The following DEPTOR variants were observed in gnomAD, a reference collection of about 807,000 sequenced individuals.
DEPTOR encodes the protein DEP domain containing MTOR interacting protein.
In DEPTOR, 41 loss-of-function variants were observed where a neutral mutation model predicts 41.6. The observed-to-expected ratio is 0.98, with a 90% CI of 0.77 to 1.28. The LOEUF (loss-of-function observed/expected upper bound fraction) is 1.28. Ranked by LOEUF, DEPTOR falls within the 50% of genes most tolerant of loss-of-function variation. The probability of loss-of-function intolerance (pLI) is 0.00; values close to 1 mark genes in which losing one functional copy is unlikely to be tolerated. For missense variants in DEPTOR, 514 were observed against 527.9 expected, an observed-to-expected ratio of 0.97 and a Z score of 0.26; for synonymous variants, 195 against 192.3, an observed-to-expected ratio of 1.01 and a Z score of -0.12.
At chr8:119,951,864 T>A (rs988419768) in intron 3 of DEPTOR, among the ~76,000 whole-genome samples, 7 of 152,058 alleles carry the variant, frequency 4.6e-5, no homozygotes, top group Admixed American at 3.3e-4. Context: ...TCAAGCTGAG[T>A]GTGGTGGCTC....
intron 8 of DEPTOR, among the ~76,000 whole-genome samples, chr8:120,015,000 C>T (rs141024234): frequency 1.9e-4 from 29 of 152,110 alleles, no homozygotes; most frequent in Non-Finnish European, 2.9e-4. Context: ...AAGACATCCT[C>T]TGCTTTAGTC....
rs186027300 is a variant in DEPTOR, at chr8:120,038,240, G to A, written c.1102-11336G>A. Among the ~76,000 whole-genome samples, 15 of 146,266 alleles carry A rather than the reference G, an allele frequency of 1.0e-4. No individual in the cohort carries two copies. In the East Asian group the frequency reaches 2.4e-3, roughly 23 times the overall value. On this transcript the variant is annotated intron_variant, in intron 8 of 8. Coordinates refer to ENST00000286234, the MANE Select transcript of DEPTOR (RefSeq NM_022783.4). ...GCTGAGATTGTGCCACTGCACTCCAGCCTGGGTGACAGAGCGAGAGTCTGT... is the reference window on the plus strand; with the variant it reads ...GCTGAGATTGTGCCACTGCACTCCAACCTGGGTGACAGAGCGAGAGTCTGT...
At position 120,003,066 on chromosome 8, in the gene DEPTOR, C is replaced by A; in HGVS notation, c.880C>A (p.Pro294Thr). The change falls in exon 6 of 9, where the codon CCC (proline) becomes ACC (threonine). Residue 294 changes from proline (P) to threonine (T), a missense_variant. By Grantham distance (38) the Pro-to-Thr change is conservative. Coordinates refer to ENST00000286234, the MANE Select transcript of DEPTOR (RefSeq NM_022783.4). ...CGSSGYFSSS[P>T]TLSSSPPVLC... ...CAGCAGCGGCTACTTCAGCAGCAGC[C>A]CCACCCTCAGCAGCAGCCCCCCTGT... is the stretch of plus-strand genomic sequence containing the variant. 2 of 1,612,924 alleles carry A rather than the reference C, an allele frequency of 1.2e-6. No individual in the cohort carries two copies. Among genetic ancestry groups the A allele is most frequent in the Non-Finnish European group, 1.7e-6 (2 of 1,179,824 alleles).
chr8:119,915,945 TAAA>T (rs201870960), intron 1 of DEPTOR, among the ~76,000 whole-genome samples: 4 of 126,670 alleles, frequency 3.2e-5, no homozygotes, highest in Admixed American at 1.8e-4. Flanking sequence ...CTTCATTTGT[TAAA>T]AAAAAAAAAA....
intron 1 of DEPTOR, among the ~76,000 whole-genome samples, chr8:119,901,294 A>G (rs985542972): frequency 3.9e-5 from 6 of 152,180 alleles, no homozygotes; most frequent in Non-Finnish European, 5.9e-5. Context: ...ACAAACTCCC[A>G]TTTCAGAATC....
At chr8:119,997,750 AC>A (rs930445431) in intron 4 of DEPTOR, among the ~76,000 whole-genome samples, 1 of 152,222 alleles carries the variant, frequency 6.6e-6, no homozygotes, top group Admixed American at 6.5e-5. Flanking sequence ...TTGTTTATTA[AC>A]ATATGTAGAT....
chr8:119,882,795 G>C (rs1181499866), intron 1 of DEPTOR, among the ~76,000 whole-genome samples: 1 of 152,128 alleles, frequency 6.6e-6, no homozygotes, highest in Non-Finnish European at 1.5e-5. Flanking sequence ...TGAGTTTAGT[G>C]ATTAGGAAAT....
intron 8 of DEPTOR, among the ~76,000 whole-genome samples, chr8:120,041,774 G>A (rs936175334): frequency 6.6e-5 from 10 of 152,196 alleles, no homozygotes; most frequent in African/African-American, 2.2e-4. Context: ...ATGATCTCAG[G>A]TGATCCACCC....
At chr8:119,908,433 GA>G (rs199708328) in intron 1 of DEPTOR, among the ~76,000 whole-genome samples, 14 of 151,238 alleles carry the variant, frequency 9.3e-5, no homozygotes, top group South Asian at 2.1e-4. Context: ...TACAAAAAAT[GA>G]AAAAAAAAAT....
At chr8:120,018,297 A>G (rs1181494697) in intron 8 of DEPTOR, among the ~76,000 whole-genome samples, 1 of 152,118 alleles carries the variant, frequency 6.6e-6, no homozygotes, top group East Asian at 1.9e-4. Context: ...TGTAGTTATA[A>G]CCGGGCGTGG....
intron 7 of DEPTOR, 145 bp from the exon 8 acceptor site, chr8:120,008,884 T>C: frequency 1.4e-6 from 1 of 724,436 alleles, no homozygotes; most frequent in Admixed American, 2.4e-5. Context: ...GAAGCAGTGT[T>C]CCAATCCCCT....
intron 1 of DEPTOR, among the ~76,000 whole-genome samples, chr8:119,905,575 C>A (rs1282208743): frequency 6.6e-6 from 1 of 150,670 alleles, no homozygotes; most frequent in Non-Finnish European, 1.5e-5. Context: ...TTGCCCATCT[C>A]TTATCTGTAA....
intron 1 of DEPTOR, among the ~76,000 whole-genome samples, chr8:119,889,999 C>G (rs1251009619): frequency 6.6e-6 from 1 of 152,162 alleles, no homozygotes; most frequent in Admixed American, 6.5e-5. Flanking sequence ...GAGTCTCACT[C>G]TGTTGCCCAG....
chr8:119,996,360 T>C (rs1812259108), intron 4 of DEPTOR, among the ~76,000 whole-genome samples: 1 of 152,236 alleles, frequency 6.6e-6, no homozygotes, highest in Admixed American at 6.5e-5. Context: ...GTATAATTTA[T>C]TGAGTACTTA....
intron 8 of DEPTOR, among the ~76,000 whole-genome samples, chr8:120,030,503 T>TTTTTTTG (rs1812873318): frequency 1.8e-5 from 2 of 114,158 alleles, no homozygotes; most frequent in Non-Finnish European, 3.7e-5. Context: ...ATCAGTTTTT[T>TTTTTTTG]TTTTTTTTTT....
intron 3 of DEPTOR, among the ~76,000 whole-genome samples, chr8:119,962,418 C>A (rs1221992425): frequency 6.6e-6 from 1 of 151,648 alleles, no homozygotes; most frequent in Non-Finnish European, 1.5e-5. Context: ...AACCGAGATG[C>A]AAAACAAGAA....
chr8:119,967,901 T>C (rs1218533389), intron 4 of DEPTOR, among the ~76,000 whole-genome samples: 2 of 152,202 alleles, frequency 1.3e-5, no homozygotes, highest in African/African-American at 4.8e-5. Context: ...TCAAATATTT[T>C]GGAAGCCATG....
intron 3 of DEPTOR, among the ~76,000 whole-genome samples, chr8:119,959,944 C>A (rs1373551179): frequency 6.6e-6 from 1 of 152,038 alleles, no homozygotes; most frequent in African/African-American, 2.4e-5. Flanking sequence ...GGTGTACATT[C>A]ATGGGCCAGG....
chr8:119,971,103 G>GAAC (rs1828627866), intron 4 of DEPTOR, among the ~76,000 whole-genome samples: 1 of 151,998 alleles, frequency 6.6e-6, no homozygotes, highest in Non-Finnish European at 1.5e-5. Flanking sequence ...ATGGTGGCAG[G>GAAC]CGCTTTGCAG....
Sources: allele counts gnomAD v4.1 joint callset (sites outside exome capture counted in the v4.1 genomes callset), GRCh38; gene constraint gnomAD v4.1.1; transcripts MANE v1.5; gene names NCBI Gene and HGNC (gene_info 2026-07-23, HGNC 2026-07-21).